The following PRDM5 variants were observed in gnomAD, a reference collection of about 807,000 sequenced individuals.
PRDM5 encodes PR/SET domain 5, also known as PR domain zinc finger protein 5.
In PRDM5, 56 loss-of-function variants were observed where a neutral mutation model predicts 81.2. The ratio of observed to expected loss-of-function variants is 0.69; its 90% confidence interval spans 0.56 to 0.86. The LOEUF (loss-of-function observed/expected upper bound fraction) is 0.86. Ranked by LOEUF, PRDM5 falls within the 40% of genes least tolerant of loss-of-function variation. The probability of loss-of-function intolerance (pLI) is 0.00; values close to 1 mark genes in which losing one functional copy is unlikely to be tolerated. For synonymous variants in PRDM5, 267 were observed against 256.4 expected (o/e 1.04, Z -0.39); for missense variants, 697 against 770.1 (o/e 0.91, Z 1.12).
At chr4:120,702,878 C>G (rs559295019) in intron 15 of PRDM5, among the ~76,000 whole-genome samples, 1 of 152,324 alleles carries the variant, frequency 6.6e-6, no homozygotes, top group Non-Finnish European at 1.5e-5. Context: ...TCAATGGCTT[C>G]TTATTAAAAT....
chr4:120,801,734 T>C (rs1441740341), intron 8 of PRDM5, among the ~76,000 whole-genome samples: 1 of 152,218 alleles, frequency 6.6e-6, no homozygotes, highest in Non-Finnish European at 1.5e-5. Context: ...GCCTGAGGCA[T>C]GTTAAAGGCA....
At chr4:120,851,993 C>G (rs1389666422) in intron 3 of PRDM5, among the ~76,000 whole-genome samples, 1 of 152,138 alleles carries the variant, frequency 6.6e-6, no homozygotes, top group Non-Finnish European at 1.5e-5. Context: ...GGAAGATGAG[C>G]TTTCACATGT....
chr4:120,820,358 T>G (rs574898041), intron 4 of PRDM5, among the ~76,000 whole-genome samples: 1 of 152,202 alleles, frequency 6.6e-6, no homozygotes. Flanking sequence ...AGCAATAAAT[T>G]TCTGCTGCTT....
intron 14 of PRDM5, among the ~76,000 whole-genome samples, chr4:120,724,655 A>T (rs1739129141): frequency 6.6e-6 from 1 of 152,224 alleles, no homozygotes. Flanking sequence ...GTTTATTCAG[A>T]GGTGTGCAGG....
intron 15 of PRDM5, among the ~76,000 whole-genome samples, chr4:120,699,897 A>G (rs1735107284): frequency 6.6e-6 from 1 of 151,410 alleles, no homozygotes; most frequent in Non-Finnish European, 1.5e-5. Flanking sequence ...AACCAATATC[A>G]TTTTCCACAG....
At chr4:120,905,992 G>A (rs1765754180) in intron 2 of PRDM5, among the ~76,000 whole-genome samples, 1 of 152,060 alleles carries the variant, frequency 6.6e-6, no homozygotes, top group Non-Finnish European at 1.5e-5. Context: ...ATTTGCTAGA[G>A]AAGGGGTCTC....
chr4:120,922,175 C>T (rs1324445427), intron 1 of PRDM5, among the ~76,000 whole-genome samples: 3 of 152,242 alleles, frequency 2.0e-5, no homozygotes, highest in Non-Finnish European at 2.9e-5. Context: ...ACACCCGTAA[C>T]CGAGGAAGAG....
chr4:120,860,139 C>T (rs1760398242), intron 2 of PRDM5, among the ~76,000 whole-genome samples: 1 of 152,224 alleles, frequency 6.6e-6, no homozygotes, highest in Non-Finnish European at 1.5e-5. Context: ...AACTGAAGAA[C>T]TTGGTCAGGT....
chr4:120,824,937 A>T (rs761476447), intron 3 of PRDM5, among the ~76,000 whole-genome samples: 1 of 152,092 alleles, frequency 6.6e-6, no homozygotes, highest in African/African-American at 2.4e-5. Context: ...CTGCTCCTCT[A>T]CATTTTATAA....
chr4:120,805,001 A>C (rs1752705292), intron 8 of PRDM5, among the ~76,000 whole-genome samples: 2 of 152,246 alleles, frequency 1.3e-5, no homozygotes, highest in South Asian at 4.1e-4. Flanking sequence ...AGATGCAATC[A>C]AAAATGATAA....
intron 13 of PRDM5, among the ~76,000 whole-genome samples, chr4:120,772,722 G>T (rs1747476769): frequency 6.6e-6 from 1 of 152,120 alleles, no homozygotes; most frequent in Admixed American, 6.5e-5. Context: ...TTGGCCAGGG[G>T]GCCCTTCAAG....
At chr4:120,774,888 CTATATATA>C (rs140501417) in intron 13 of PRDM5, among the ~76,000 whole-genome samples, 1 of 129,384 alleles carries the variant, frequency 7.7e-6, no homozygotes, top group Non-Finnish European at 1.6e-5. Context: ...CTCTCTCTTT[CTATATATA>C]TATATATATA....
At chr4:120,722,518 TC>T (rs1241892197) in intron 14 of PRDM5, among the ~76,000 whole-genome samples, 2 of 151,922 alleles carry the variant, frequency 1.3e-5, no homozygotes, top group African/African-American at 4.8e-5. Context: ...AAGCCTTGGC[TC>T]CACACTTCCT....
chr4:120,710,780 C>A (rs1736852422), intron 14 of PRDM5, among the ~76,000 whole-genome samples: 1 of 152,024 alleles, frequency 6.6e-6, no homozygotes, highest in Non-Finnish European at 1.5e-5. Flanking sequence ...CCCCCTTCCA[C>A]CATGACTGTA....
Position 120,911,538 on chromosome 4 carries a change from A to C in PRDM5, c.94-3981T>G, listed in dbSNP as rs1052671971. On this transcript the variant is annotated intron_variant, in intron 1 of 15. Coordinates refer to ENST00000264808, the MANE Select transcript of PRDM5 (RefSeq NM_018699.4). ...CTAGACAGTAACTTTTAATAAACAA[A>C]AACTGTATGATTGCAAAAATGTGGG... is the stretch of plus-strand genomic sequence containing the variant. Among the ~76,000 whole-genome samples, 17 of 152,346 alleles carry C rather than the reference A, an allele frequency of 1.1e-4. No individual in the cohort carries two copies. In the East Asian group the frequency reaches 3.1e-3, roughly 28 times the overall value.
intron 8 of PRDM5, among the ~76,000 whole-genome samples, chr4:120,808,998 C>A (rs1352428688): frequency 6.6e-6 from 1 of 152,242 alleles, no homozygotes; most frequent in African/African-American, 2.4e-5. Flanking sequence ...CTTGTCCAGC[C>A]CAGAAGGGGG....
intron 3 of PRDM5, among the ~76,000 whole-genome samples, chr4:120,846,478 C>T (rs1308511707): frequency 1.3e-5 from 2 of 152,182 alleles, no homozygotes; most frequent in Admixed American, 1.3e-4. Context: ...TAATCATTAA[C>T]ACATTTTAGC....
intron 3 of PRDM5, among the ~76,000 whole-genome samples, chr4:120,848,158 G>T (rs1008303884): frequency 3.9e-5 from 6 of 152,066 alleles, no homozygotes; most frequent in Non-Finnish European, 8.8e-5. Flanking sequence ...GAAGAAGCAG[G>T]TGCAATGCTT....
chr4:120,919,951 A>G (rs886842546), intron 1 of PRDM5, among the ~76,000 whole-genome samples: 5 of 152,152 alleles, frequency 3.3e-5, no homozygotes, highest in Non-Finnish European at 7.4e-5. Flanking sequence ...AGATTTTTAT[A>G]CTGGAAAAAA....
Sources: allele counts gnomAD v4.1 joint callset (sites outside exome capture counted in the v4.1 genomes callset), GRCh38; gene constraint gnomAD v4.1.1; transcripts MANE v1.5; gene names NCBI Gene and HGNC (gene_info 2026-07-23, HGNC 2026-07-21).